Variants in RASGRF2 observed in about 807,000 individuals in gnomAD.
RASGRF2 encodes the protein ras-specific guanine nucleotide-releasing factor 2.
In RASGRF2, 76 loss-of-function variants were observed where a neutral mutation model predicts 151.0. The observed-to-expected ratio is 0.50, with a 90% CI of 0.42 to 0.61. The LOEUF (loss-of-function observed/expected upper bound fraction) is 0.61, where lower values mean the gene tolerates loss of function less well. Ranked by LOEUF, RASGRF2 falls within the 20% of genes least tolerant of loss-of-function variation. RASGRF2 has a pLI of 0.00. For synonymous variants in RASGRF2, 504 were observed against 566.5 expected, an observed-to-expected ratio of 0.89 and a Z score of 1.57; for missense variants, 1,148 against 1,564.6, an observed-to-expected ratio of 0.73 and a Z score of 4.49.
chr5:81,085,984 A>G (rs1046544524), intron 8 of RASGRF2, 73 bp downstream of exon 8: 9 of 1,596,314 alleles, frequency 5.6e-6, no homozygotes, highest in South Asian at 2.3e-5. Context: ...AACCTCCTGT[A>G]TATGTTCTAA....
intron 17 of RASGRF2, among the ~76,000 whole-genome samples, chr5:81,168,119 G>T (rs1197424766): frequency 2.0e-5 from 3 of 151,860 alleles, no homozygotes; most frequent in Non-Finnish European, 4.4e-5. Context: ...CTCAGCCTCT[G>T]CCCTCTCCCC....
intron 17 of RASGRF2, among the ~76,000 whole-genome samples, chr5:81,135,466 C>T (rs1449131513): frequency 6.6e-6 from 1 of 152,184 alleles, no homozygotes; most frequent in African/African-American, 2.4e-5. Flanking sequence ...AACTGCTAAT[C>T]TCTTTTCTGT....
At chr5:81,023,977 T>C (rs1167453591) in intron 1 of RASGRF2, among the ~76,000 whole-genome samples, 2 of 152,208 alleles carry the variant, frequency 1.3e-5, no homozygotes, top group Non-Finnish European at 2.9e-5. Flanking sequence ...ATACTTCCCA[T>C]TCCCAGTTGT....
At chr5:81,219,859 C>A in intron 26 of RASGRF2, 81 bp downstream of exon 26, 1 of 1,105,792 alleles carries the variant, frequency 9.0e-7, no homozygotes, top group Non-Finnish European at 1.3e-6. Flanking sequence ...AAAAGTTGAT[C>A]CAAAATACCA....
chr5:80,994,930 G>A (rs1306500824), intron 1 of RASGRF2, among the ~76,000 whole-genome samples: 1 of 152,074 alleles, frequency 6.6e-6, no homozygotes, highest in African/African-American at 2.4e-5. Context: ...TTACCACCAC[G>A]ATTAACATAT....
intron 18 of RASGRF2, among the ~76,000 whole-genome samples, chr5:81,190,391 A>G (rs920124238): frequency 6.6e-6 from 1 of 152,174 alleles, no homozygotes; most frequent in Non-Finnish European, 1.5e-5. Context: ...TCCTGGGTCA[A>G]AAAGGTCTCA....
At chr5:81,169,076 T>C (rs1210210346) in intron 17 of RASGRF2, among the ~76,000 whole-genome samples, 1 of 152,226 alleles carries the variant, frequency 6.6e-6, no homozygotes, top group East Asian at 1.9e-4. Flanking sequence ...GTTTAAATGC[T>C]GATACTCTCA....
chr5:80,968,660 T>C (rs1333307735), intron 1 of RASGRF2, among the ~76,000 whole-genome samples: 7 of 152,198 alleles, frequency 4.6e-5, no homozygotes, highest in Non-Finnish European at 1.0e-4. Context: ...CCTAGTATGT[T>C]AAATCTTAAA....
At chr5:81,137,861 C>G (rs1053362641) in intron 17 of RASGRF2, among the ~76,000 whole-genome samples, 2 of 152,206 alleles carry the variant, frequency 1.3e-5, no homozygotes, top group African/African-American at 4.8e-5. Flanking sequence ...GACTGTGTTT[C>G]TTCTTGCCTT....
intron 15 of RASGRF2, among the ~76,000 whole-genome samples, chr5:81,118,725 T>C (rs989109474): frequency 6.6e-6 from 1 of 152,218 alleles, no homozygotes; most frequent in Non-Finnish European, 1.5e-5. Flanking sequence ...ATTCTGCCTT[T>C]AAACCATTTC....
At chr5:81,160,521 A>G (rs1166933365) in intron 17 of RASGRF2, among the ~76,000 whole-genome samples, 1 of 151,734 alleles carries the variant, frequency 6.6e-6, no homozygotes, top group Non-Finnish European at 1.5e-5. Context: ...GATACAAAAA[A>G]ATTAGCCAGG....
At chr5:80,998,589 G>T (rs1341366636) in intron 1 of RASGRF2, among the ~76,000 whole-genome samples, 2 of 152,128 alleles carry the variant, frequency 1.3e-5, no homozygotes, top group African/African-American at 2.4e-5. Context: ...ATTTTAGCAG[G>T]CTTCCTATTT....
chr5:81,006,584 A>C lies in RASGRF2; in HGVS notation c.289-36293A>C, dbSNP rs115060220. 5.7e-3 allele frequency among the ~76,000 whole-genome samples: 872 copies of C among 152,276 alleles called. 5 individuals are homozygous for C. The highest frequency in any genetic ancestry group is 0.02 in the African/African-American group (852 of 41,564). On this transcript the variant is annotated intron_variant, in intron 1 of 26. Coordinates refer to ENST00000265080, the MANE Select transcript of RASGRF2 (RefSeq NM_006909.3). ...TTCCTCCTGTGTTTTGGTGATTTAGAAGCCATCAAAATGCTTATTCCCTTT... is the reference window on the plus strand; with the variant it reads ...TTCCTCCTGTGTTTTGGTGATTTAGCAGCCATCAAAATGCTTATTCCCTTT...
chr5:81,136,801 C>T (rs1280597221), intron 17 of RASGRF2, among the ~76,000 whole-genome samples: 1 of 151,720 alleles, frequency 6.6e-6, no homozygotes, highest in Non-Finnish European at 1.5e-5. Context: ...GGGTTTTTTC[C>T]CCCTTTCCTT....
chr5:81,108,069 C>A lies in RASGRF2; in HGVS notation c.1756-927C>A, dbSNP rs533194566. 5.9e-5 allele frequency among the ~76,000 whole-genome samples: 9 copies of A among 152,348 alleles called. No individual in the cohort carries two copies. In the South Asian group the frequency reaches 6.2e-4, roughly 11 times the overall value. On this transcript the variant is annotated intron_variant, in intron 12 of 26. Coordinates refer to ENST00000265080, the MANE Select transcript of RASGRF2 (RefSeq NM_006909.3). ...TTAGAACATTGGTGTTTAGGGTAGA[C>A]CCTGAGTTCAGGACCTATGTGAGGT...
rs756462867 is a variant in RASGRF2, at chr5:81,215,947, C to G, written c.3426C>G (p.Thr1142=). 7 of 1,528,314 alleles carry G rather than the reference C, an allele frequency of 4.6e-6. No individual in the cohort carries two copies. In the East Asian group the frequency reaches 1.5e-4, roughly 32 times the overall value. The allele number at this position is 1,528,314 out of a possible 1,614,324, so 94.7% of individuals were successfully genotyped here. Residue 1142 remains threonine, a synonymous_variant, in exon 24 of 27, where the codon ACC becomes ACG. Coordinates refer to ENST00000265080, the MANE Select transcript of RASGRF2 (RefSeq NM_006909.3). ...SEGRFKNLRE[T]LKNCNPPAVP... ...GAAGATTTAAAAATCTTAGAGAAAC[C>G]CTTAAAAAGTATGTCTATCTTAATT...
At chr5:81,028,959 G>A (rs1034991708) in intron 1 of RASGRF2, among the ~76,000 whole-genome samples, 9 of 152,186 alleles carry the variant, frequency 5.9e-5, no homozygotes, top group East Asian at 3.9e-4. Flanking sequence ...CTAACACTGC[G>A]CTTTTCCAAT....
chr5:81,003,938 T>G (rs2112297366), intron 1 of RASGRF2, among the ~76,000 whole-genome samples: 1 of 152,276 alleles, frequency 6.6e-6, no homozygotes, highest in South Asian at 2.1e-4. Context: ...GTCCTGGAGA[T>G]CACAATTAGG....
intron 7 of RASGRF2, 26 bp from the exon 8 acceptor site, chr5:81,085,776 T>G: frequency 6.2e-7 from 1 of 1,613,808 alleles, no homozygotes; most frequent in Non-Finnish European, 8.5e-7. Context: ...GATGTCTTGC[T>G]CATACTGGCC....
Sources: gnomAD v4.1 joint callset for allele counts (sites outside exome capture counted in the v4.1 genomes callset) on GRCh38, gnomAD v4.1.1 for gene constraint, MANE v1.5 for transcripts, NCBI Gene and HGNC (gene_info 2026-07-23, HGNC 2026-07-21) for gene names.